KCNK2: variants seen among roughly 807,000 people sequenced by gnomAD.
KCNK2 encodes the protein potassium two pore domain channel subfamily K member 2, also known as potassium channel subfamily K member 2.
A neutral mutation model predicts 40.5 loss-of-function variants in KCNK2; 21 were observed. The observed-to-expected ratio is 0.52, with a 90% CI of 0.37 to 0.75. The LOEUF (loss-of-function observed/expected upper bound fraction) is 0.75. Among genes scored for constraint, KCNK2 ranks in the 30% least tolerant of loss-of-function variants. KCNK2 has a pLI of 0.00. For missense variants in KCNK2, 399 were observed against 531.6 expected (o/e 0.75, Z 2.45); for synonymous variants, 191 against 202.2 (o/e 0.94, Z 0.47).
At chr1:215,007,143 GTGTATATA>G (rs1558054098) in intron 1 of KCNK2, among the ~76,000 whole-genome samples, 4 of 113,290 alleles carry the variant, frequency 3.5e-5, no homozygotes, top group African/African-American at 1.3e-4. Context: ...GTATATATAT[GTGTATATA>G]TATATGTATG....
intron 3 of KCNK2, among the ~76,000 whole-genome samples, chr1:215,150,401 C>T (rs190430325): frequency 2.3e-4 from 35 of 152,152 alleles, no homozygotes; most frequent in Admixed American, 6.6e-4. Flanking sequence ...TAATCAATTT[C>T]TCCATCACTA....
chr1:215,107,454 A>G (rs1254007314), intron 2 of KCNK2, among the ~76,000 whole-genome samples: 1 of 152,058 alleles, frequency 6.6e-6, no homozygotes, highest in Non-Finnish European at 1.5e-5. Flanking sequence ...TGCACCATTT[A>G]CCTTCCAGCC....
intron 6 of KCNK2, among the ~76,000 whole-genome samples, chr1:215,223,746 T>A (rs1409739848): frequency 6.6e-6 from 1 of 152,194 alleles, no homozygotes; most frequent in Non-Finnish European, 1.5e-5. Flanking sequence ...CGGACACTCA[T>A]CTTTTGGAGA....
chr1:215,070,850 C>T (rs747075553), intron 1 of KCNK2, among the ~76,000 whole-genome samples: 3 of 152,116 alleles, frequency 2.0e-5, no homozygotes, highest in Non-Finnish European at 2.9e-5. Context: ...TATGAGCATA[C>T]ATCAAGACAC....
intron 3 of KCNK2, among the ~76,000 whole-genome samples, chr1:215,151,426 A>G (rs1274303639): frequency 1.3e-5 from 2 of 152,098 alleles, no homozygotes; most frequent in African/African-American, 2.4e-5. Context: ...ACCCTGTCCA[A>G]TACCATATTG....
chr1:215,141,385 G>A (rs902982436), intron 3 of KCNK2, among the ~76,000 whole-genome samples: 7 of 152,020 alleles, frequency 4.6e-5, no homozygotes, highest in South Asian at 2.1e-4. Flanking sequence ...CACCACAAAC[G>A]TGGGTAATAT....
chr1:215,101,409 T>G (rs1558091528), intron 2 of KCNK2, among the ~76,000 whole-genome samples: 1 of 151,734 alleles, frequency 6.6e-6, no homozygotes, highest in Non-Finnish European at 1.5e-5. Flanking sequence ...AAAGGTTTTT[T>G]GGGGTGGGCA....
intron 1 of KCNK2, among the ~76,000 whole-genome samples, chr1:215,044,904 C>T (rs1168031167): frequency 6.6e-6 from 1 of 152,030 alleles, no homozygotes; most frequent in Non-Finnish European, 1.5e-5. Flanking sequence ...GGCACAGTGG[C>T]ACACGCCTGT....
intron 5 of KCNK2, among the ~76,000 whole-genome samples, chr1:215,174,974 G>C (rs1271231273): frequency 6.6e-6 from 1 of 152,080 alleles, no homozygotes. Context: ...TCTCCTGCCT[G>C]ATTGCCCTGG....
At chr1:215,224,004 TTAAGC>T (rs1040975205) in intron 6 of KCNK2, among the ~76,000 whole-genome samples, 50 of 152,172 alleles carry the variant, frequency 3.3e-4, no homozygotes, top group Non-Finnish European at 6.5e-4. Context: ...AAACAGATAA[TTAAGC>T]TAAGTAAATA....
intron 6 of KCNK2, among the ~76,000 whole-genome samples, chr1:215,207,029 A>G (rs1388432438): frequency 1.3e-5 from 2 of 152,100 alleles, no homozygotes; most frequent in Non-Finnish European, 1.5e-5. Flanking sequence ...AATTCATTCT[A>G]TTGGATATCC....
At chr1:215,018,448 T>C (rs1415331339) in intron 1 of KCNK2, among the ~76,000 whole-genome samples, 1 of 152,160 alleles carries the variant, frequency 6.6e-6, no homozygotes, top group Non-Finnish European at 1.5e-5. Context: ...AATGGGACAA[T>C]TTGAGCAGGA....
intron 3 of KCNK2, among the ~76,000 whole-genome samples, chr1:215,128,353 C>G (rs1003639345): frequency 1.3e-5 from 2 of 152,140 alleles, no homozygotes; most frequent in African/African-American, 2.4e-5. Context: ...GATTCATCCT[C>G]AGAATCATTT....
intron 2 of KCNK2, among the ~76,000 whole-genome samples, chr1:215,100,986 A>T (rs1342454196): frequency 6.6e-6 from 1 of 152,008 alleles, no homozygotes; most frequent in Non-Finnish European, 1.5e-5. Flanking sequence ...TTTTGCATTT[A>T]TCTATTTTAT....
At chr1:215,108,601 G>A (rs1660541742) in intron 2 of KCNK2, among the ~76,000 whole-genome samples, 1 of 152,132 alleles carries the variant, frequency 6.6e-6, no homozygotes, top group South Asian at 2.1e-4. Context: ...CCAATGTTAT[G>A]AAGCTTTTCC....
intron 6 of KCNK2, among the ~76,000 whole-genome samples, chr1:215,222,192 T>C (rs913363533): frequency 2.0e-5 from 3 of 152,200 alleles, no homozygotes; most frequent in Non-Finnish European, 2.9e-5. Flanking sequence ...CCATCCAGCA[T>C]TGGGGATTAC....
At chr1:215,120,581 A>G (rs7541543) in intron 2 of KCNK2, among the ~76,000 whole-genome samples, 115,349 of 152,096 alleles carry the variant, frequency 0.76, 44,120 homozygotes, top group African/African-American at 0.78. Context: ...ATGACCCTGT[A>G]CCTGTGCCTA....
chr1:215,064,546 C>A (rs977653771), intron 1 of KCNK2, among the ~76,000 whole-genome samples: 9 of 152,206 alleles, frequency 5.9e-5, no homozygotes, highest in African/African-American at 1.7e-4. Flanking sequence ...TGATTCCAAC[C>A]GGCCTGGACT....
chr1:215,177,740 A>ATATATTTTTTTTTT (rs71167812), intron 5 of KCNK2, among the ~76,000 whole-genome samples: 1 of 101,580 alleles, frequency 9.8e-6, no homozygotes, highest in Non-Finnish European at 2.0e-5. Context: ...ATATATATAT[A>ATATATTTTTTTTTT]TTTTTTTTTT....
Sources: allele counts gnomAD v4.1 joint callset (sites outside exome capture counted in the v4.1 genomes callset), GRCh38; gene constraint gnomAD v4.1.1; transcripts MANE v1.5; gene names NCBI Gene and HGNC (gene_info 2026-07-23, HGNC 2026-07-21).